AFDN: variants seen among roughly 807,000 people sequenced by gnomAD.
AFDN encodes afadin.
AFDN carries 68 observed loss-of-function variants against 216.6 expected under a neutral mutation model. The observed-to-expected ratio is 0.31, with a 90% CI of 0.26 to 0.38. The LOEUF (loss-of-function observed/expected upper bound fraction) is 0.38. Ranked by LOEUF, AFDN falls within the 10% of genes least tolerant of loss-of-function variation. The pLI, the probability that AFDN is intolerant of heterozygous loss-of-function variation, is 1.00. For synonymous variants in AFDN, 868 were observed against 853.7 expected (o/e 1.02, Z -0.29); for missense variants, 2,136 against 2,342.0 (o/e 0.91, Z 1.82).
intron 12 of AFDN, among the ~76,000 whole-genome samples, chr6:167,903,675 A>G (rs1789277977): frequency 6.6e-6 from 1 of 151,430 alleles, no homozygotes; most frequent in Non-Finnish European, 1.5e-5. Flanking sequence ...AACTCTTTAT[A>G]CCCCTCCAGT....
At chr6:167,934,602 TC>T (rs1406828091) in intron 23 of AFDN, among the ~76,000 whole-genome samples, 1 of 152,186 alleles carries the variant, frequency 6.6e-6, no homozygotes. Context: ...CACTTATTGT[TC>T]TAAAATCACC....
rs1302866111 is a variant in AFDN at position 167,880,534 on chromosome 6, A to C, written c.897+17A>C. ...ATCGCCCGGGTAAGGAACTTTATCA[A>C]ATCAGTAGTTCTTTCTACTTCACAT... is the stretch of plus-strand genomic sequence containing the variant. On this transcript the variant is annotated intron_variant, in intron 6 of 33. Transcript: ENST00000683244. The C allele has an allele frequency of 1.9e-6, 3 of 1,610,572 alleles. No homozygotes were observed. The highest frequency in any genetic ancestry group is 4.5e-5 in the East Asian group (2 of 44,814).
chr6:167,954,601 G>A (rs976235209), intron 30 of AFDN: 8 of 877,822 alleles, frequency 9.1e-6, no homozygotes, highest in Non-Finnish European at 1.4e-5. Flanking sequence ...CCTTAGGGGT[G>A]TCCTCCATCA....
intron 1 of AFDN, 61 bp downstream of exon 1, chr6:167,827,298 TC>T (rs1450773850): frequency 4.1e-5 from 24 of 583,866 alleles, no homozygotes; most frequent in Non-Finnish European, 4.6e-5. Context: ...GCCCCGCCCC[TC>T]CCCCCCGCCG....
intron 6 of AFDN, among the ~76,000 whole-genome samples, chr6:167,882,083 G>A (rs1293839192): frequency 6.6e-6 from 1 of 152,144 alleles, no homozygotes; most frequent in African/African-American, 2.4e-5. Flanking sequence ...AGCTAAAAGG[G>A]AGAAACTGGA....
Position 167,971,164 on chromosome 6 carries a change from C to T in AFDN, c.*1229C>T, listed in dbSNP as rs1583101361. ...AAGCAAATTTTCTATTTGACAAAGCCCTTGGTGGAGTCCAAATGATTTTTC... is the reference window on the plus strand; with the variant it reads ...AAGCAAATTTTCTATTTGACAAAGCTCTTGGTGGAGTCCAAATGATTTTTC... On this transcript the variant is annotated 3_prime_UTR_variant, in exon 34 of 34. Transcript: ENST00000683244. The T allele has an allele frequency of 4.5e-6, 1 of 221,612 alleles. No individual in the cohort carries two copies. The highest frequency in any genetic ancestry group is 6.6e-5 in the East Asian group (1 of 15,058). The allele number at this position is 221,612 out of a possible 1,614,324, so 13.7% of individuals were successfully genotyped here. A position where few individuals can be genotyped will look rare whatever the true frequency, so the allele number is the denominator to read the frequency against.
intron 1 of AFDN, among the ~76,000 whole-genome samples, chr6:167,837,134 T>A (rs1047788761): frequency 6.6e-6 from 1 of 152,202 alleles, no homozygotes; most frequent in Non-Finnish European, 1.5e-5. Flanking sequence ...AAATTAAGAC[T>A]AGTAAATCAG....
Position 167,880,521 on chromosome 6 carries a change from A to G in AFDN, c.897+4A>G, listed in dbSNP as rs749977056. ...TAAGGATTACTGCATCGCCCGGGTA[A>G]GGAACTTTATCAAATCAGTAGTTCT... On this transcript the variant is annotated splice_donor_region_variant and intron_variant, in intron 6 of 33. Transcript: ENST00000683244. The G allele has an allele frequency of 2.5e-6, 4 of 1,612,876 alleles. No individual in the cohort carries two copies. Among genetic ancestry groups the G allele is most frequent in the Non-Finnish European group, 3.4e-6 (4 of 1,179,468 alleles).
chr6:167,904,727 A>G (rs980473864), intron 12 of AFDN, among the ~76,000 whole-genome samples: 1 of 152,132 alleles, frequency 6.6e-6, no homozygotes, highest in African/African-American at 2.4e-5. Context: ...CAGCCTCTGC[A>G]TGCAGGGGTT....
chr6:167,964,110 G>A, intron 31 of AFDN: 1 of 1,063,894 alleles, frequency 9.4e-7, no homozygotes, highest in Non-Finnish European at 1.1e-6. Context: ...TTTTTCCAAT[G>A]TGTTTTCATA....
intron 1 of AFDN, among the ~76,000 whole-genome samples, chr6:167,851,470 C>G (rs146893522): frequency 6.6e-6 from 1 of 152,162 alleles, no homozygotes; most frequent in Non-Finnish European, 1.5e-5. Flanking sequence ...TTGTTCGCCT[C>G]TATGCACACC....
At chr6:167,870,527 C>G in intron 3 of AFDN, 29 bp downstream of exon 3, 1 of 1,449,890 alleles carries the variant, frequency 6.9e-7, no homozygotes, top group South Asian at 1.2e-5. Context: ...TTATGACGGT[C>G]TTGGTCCAGG....
At chr6:167,959,932 T>G (rs1796879336) in intron 30 of AFDN, among the ~76,000 whole-genome samples, 1 of 152,230 alleles carries the variant, frequency 6.6e-6, no homozygotes, top group Non-Finnish European at 1.5e-5. Context: ...AAGGCTATTT[T>G]GGTAGCATGT....
chr6:167,844,177 A>AGTGTGTGTGTGT (rs71004173), intron 1 of AFDN, among the ~76,000 whole-genome samples: 96 of 141,792 alleles, frequency 6.8e-4, no homozygotes, highest in African/African-American at 2.4e-3. Flanking sequence ...TCAAAAATGA[A>AGTGTGTGTGTGT]GTGTGTGTGT....
intron 3 of AFDN, among the ~76,000 whole-genome samples, chr6:167,871,302 T>C (rs1784767479): frequency 6.6e-6 from 1 of 152,196 alleles, no homozygotes; most frequent in Non-Finnish European, 1.5e-5. Flanking sequence ...AAGTTAAGAA[T>C]GCATGTCCAT....
intron 12 of AFDN, among the ~76,000 whole-genome samples, chr6:167,903,939 T>G (rs1169817161): frequency 1.3e-5 from 2 of 152,206 alleles, no homozygotes; most frequent in Admixed American, 6.5e-5. Flanking sequence ...TGATGCACTT[T>G]CTTCTGTTGG....
At chr6:167,969,276 A>G (rs1797851985) in intron 33 of AFDN, 78 bp downstream of exon 33, 1 of 1,090,998 alleles carries the variant, frequency 9.2e-7, no homozygotes, top group African/African-American at 1.5e-5. Context: ...CCTTGAGATT[A>G]TGTAAACAGA....
At position 167,860,159 on chromosome 6, in the gene AFDN, CTTTTTTTTT is replaced by C. The variant is rs370176215; in HGVS notation, c.106-4372_106-4364del. Among the ~76,000 whole-genome samples the C allele has an allele frequency of 3.0e-3, 235 of 79,406 alleles. 2 individuals carry two copies. The highest frequency in any genetic ancestry group is 9.6e-3 in the African/African-American group (201 of 21,028). 52.1% of individuals were successfully genotyped at this position (79,406 alleles called of 152,430 possible). ...TAGGTATTAAGTACCTACAGCAATGCTTTTTTTTTTTTTTTTTTTTTTTTTTTTAGAAAC... is the reference window on the plus strand; with the variant it reads ...TAGGTATTAAGTACCTACAGCAATGCTTTTTTTTTTTTTTTTTTTAGAAAC... On this transcript the variant is annotated intron_variant, in intron 1 of 33. Coordinates refer to ENST00000683244, the MANE Select transcript of AFDN (RefSeq NM_001386888.1).
Position 167,951,971 on chromosome 6 carries a change from C to G in AFDN, c.4617C>G (p.Ile1539Met). 6.2e-7 allele frequency: 1 copy of G among 1,614,178 alleles called. No homozygotes were observed. The highest frequency in any genetic ancestry group is 8.5e-7 in the Non-Finnish European group (1 of 1,180,040). Residue 1539 changes from isoleucine to methionine, a missense_variant, in exon 30 of 34, where the codon ATC becomes ATG. By Grantham distance (10) the Ile-to-Met change is conservative. Transcript: ENST00000683244. This position sits in a 1 kb window ranked among gnomAD's most constrained non-coding sequence, Gnocchi z 7.1. ...EKLEKQQQMH[I>M]VDMLSKEIQE... is the part of the protein sequence containing the mutation. ...TGGAGAAGCAGCAGCAGATGCACAT[C>G]GTGGACATGCTGAGCAAGGAGATCC...
Sources: gnomAD v4.1 joint callset for allele counts (sites outside exome capture counted in the v4.1 genomes callset) on GRCh38, gnomAD v4.1.1 for gene constraint, Gnocchi (gnomAD v3.1) non-coding constraint, MANE v1.5 for transcripts, NCBI Gene and HGNC (gene_info 2026-07-23, HGNC 2026-07-21) for gene names.